FANCL: variants seen among roughly 807,000 people sequenced by gnomAD.
The protein encoded by FANCL is E3 ubiquitin-protein ligase FANCL.
In FANCL, 69 loss-of-function variants were observed where a neutral mutation model predicts 59.4. The ratio of observed to expected loss-of-function variants is 1.16; its 90% confidence interval spans 0.96 to 1.42. The LOEUF is 1.42. Among genes scored for constraint, FANCL ranks in the 40% most tolerant of loss-of-function variants. The pLI is 0.00. For synonymous variants in FANCL, 180 were observed against 147.1 expected (o/e 1.22, Z -1.62); for missense variants, 519 against 447.2 (o/e 1.16, Z -1.45).
chr2:58,191,276 A>G (rs1573643557), intron 7 of FANCL, among the ~76,000 whole-genome samples: 1 of 151,890 alleles, frequency 6.6e-6, no homozygotes, highest in Non-Finnish European at 1.5e-5. Context: ...ATTTTTATCC[A>G]AAAGTATTTT....
chr2:58,194,549 T>C (rs1230996538), intron 7 of FANCL, among the ~76,000 whole-genome samples: 1 of 152,158 alleles, frequency 6.6e-6, no homozygotes, highest in African/African-American at 2.4e-5. Flanking sequence ...CACTTGTCTT[T>C]GAGAAGCACT....
chr2:58,236,161 C>T (rs566948289), intron 1 of FANCL, among the ~76,000 whole-genome samples: 7 of 150,928 alleles, frequency 4.6e-5, no homozygotes, highest in South Asian at 2.1e-4. Context: ...GGAGGAAAAA[C>T]ATGAAAAAAG....
intron 5 of FANCL, among the ~76,000 whole-genome samples, chr2:58,205,288 T>C (rs1050137794): frequency 1.3e-5 from 2 of 152,100 alleles, no homozygotes; most frequent in African/African-American, 4.8e-5. Flanking sequence ...TGTCTAAATC[T>C]GAAGATATCT....
intron 1 of FANCL, among the ~76,000 whole-genome samples, chr2:58,235,190 G>A (rs1323800946): frequency 1.3e-5 from 2 of 151,938 alleles, no homozygotes; most frequent in East Asian, 1.9e-4. Flanking sequence ...AATATACACA[G>A]AGAAACGCCA....
At chr2:58,175,596 A>G (rs1687212043) in intron 7 of FANCL, among the ~76,000 whole-genome samples, 3 of 152,126 alleles carry the variant, frequency 2.0e-5, no homozygotes, top group Admixed American at 1.3e-4. Flanking sequence ...GCTTCATGCT[A>G]AAAACTCTCA....
chr2:58,202,045 C>T (rs550794247), intron 6 of FANCL, among the ~76,000 whole-genome samples: 77 of 151,596 alleles, frequency 5.1e-4, no homozygotes, highest in African/African-American at 1.8e-3. Flanking sequence ...ATACAGTTAA[C>T]GTTTCAACTA....
chr2:58,196,506 T>C (rs527886890), intron 7 of FANCL, among the ~76,000 whole-genome samples: 2 of 151,978 alleles, frequency 1.3e-5, no homozygotes, highest in African/African-American at 2.4e-5. Flanking sequence ...ACAAAACTTG[T>C]ATGACCCAAT....
chr2:58,175,176 T>G (rs1317289494), intron 7 of FANCL, among the ~76,000 whole-genome samples: 2 of 147,074 alleles, frequency 1.4e-5, no homozygotes, highest in African/African-American at 5.2e-5. Context: ...CAGGACCAGA[T>G]GGATTCACAG....
chr2:58,203,007 G>C lies in FANCL; in HGVS notation c.471+1123C>G, dbSNP rs1268530919. ...CTGGCAACATGTGACCCTTTGGAAG[G>C]ATAAAGGCAAATTTCTCTTAAAAAA... On this transcript the variant is annotated intron_variant, in intron 6 of 13. Transcript: ENST00000233741. Among the ~76,000 whole-genome samples the C allele has an allele frequency of 3.4e-5, 5 of 145,396 alleles. No homozygotes were observed. The East Asian group carries it at 9.9e-4, about 29-fold the overall frequency.
In FANCL at chr2:58,165,700, A is replaced by T. The variant is rs1051917777; in HGVS notation, c.691+24T>A. ...TACAAAATAAAACACCTAAAAACAA[A>T]CCCTTAATCCTCCTTGTCCCTACCT... On this transcript the variant is annotated intron_variant, in intron 8 of 13. Transcript: ENST00000233741. 5.0e-6 allele frequency: 8 copies of T among 1,613,786 alleles called. No homozygotes were observed. The African/African-American group carries it at 1.1e-4, about 22-fold the overall frequency.
intron 7 of FANCL, among the ~76,000 whole-genome samples, chr2:58,183,729 A>G (rs1229231702): frequency 1.3e-5 from 2 of 151,984 alleles, no homozygotes; most frequent in East Asian, 1.9e-4. Context: ...AGAAATAAAA[A>G]TAAGTGATCT....
intron 7 of FANCL, among the ~76,000 whole-genome samples, chr2:58,194,916 T>G (rs1018177746): frequency 7.6e-6 from 1 of 132,176 alleles, no homozygotes; most frequent in African/African-American, 3.6e-5. Flanking sequence ...AAGCCATGTC[T>G]ATTATATCAC....
intron 7 of FANCL, among the ~76,000 whole-genome samples, chr2:58,172,131 A>G (rs1041065507): frequency 6.6e-6 from 1 of 152,252 alleles, no homozygotes; most frequent in Non-Finnish European, 1.5e-5. Flanking sequence ...CACAGCTCAA[A>G]GAGGCCTGCC....
At chr2:58,234,927 G>A (rs1409877664) in intron 1 of FANCL, among the ~76,000 whole-genome samples, 2 of 151,964 alleles carry the variant, frequency 1.3e-5, no homozygotes, top group Non-Finnish European at 2.9e-5. Flanking sequence ...ATGAAACAAT[G>A]ATTTTCAGAC....
At chr2:58,225,235 A>G (rs546230709) in intron 4 of FANCL, among the ~76,000 whole-genome samples, 1 of 151,778 alleles carries the variant, frequency 6.6e-6, no homozygotes, top group Admixed American at 6.5e-5. Flanking sequence ...CTTTAAAAAA[A>G]AAAACACTTT....
chr2:58,187,793 T>C (rs1688554988), intron 7 of FANCL, among the ~76,000 whole-genome samples: 1 of 152,152 alleles, frequency 6.6e-6, no homozygotes, highest in Non-Finnish European at 1.5e-5. Flanking sequence ...ACAACGTCCA[T>C]TTTGAGTTTT....
In FANCL at chr2:58,165,827, T is replaced by A. The variant is rs1205526780; in HGVS notation, c.588A>T (p.Ser196=). Reference sequence around the variant, plus strand: ...CCATAACATCCCAGAATGCCTTTAGTGATTCTATTGCTGCCAAAAACTGAC... The same window carrying A: ...CCATAACATCCCAGAATGCCTTTAGAGATTCTATTGCTGCCAAAAACTGAC... ...IYSQFLAAIE[S]LKAFWDVMDE... The change falls in exon 8 of 14, where the codon TCA becomes TCT. Residue 196 remains serine, a synonymous_variant. Coordinates refer to ENST00000233741, the MANE Select transcript of FANCL (RefSeq NM_018062.4). The A allele has an allele frequency of 1.2e-6, 2 of 1,613,974 alleles. No homozygotes were observed. Among genetic ancestry groups the A allele is most frequent in the Non-Finnish European group, 1.7e-6 (2 of 1,179,968 alleles).
intron 4 of FANCL, among the ~76,000 whole-genome samples, chr2:58,222,359 T>C (rs754498146): frequency 1.3e-5 from 2 of 152,088 alleles, no homozygotes; most frequent in African/African-American, 2.4e-5. Context: ...GGCTTCACTA[T>C]GGCTCTATTC....
intron 5 of FANCL, among the ~76,000 whole-genome samples, chr2:58,207,197 C>A (rs1378149191): frequency 6.6e-6 from 1 of 152,118 alleles, no homozygotes; most frequent in Non-Finnish European, 1.5e-5. Flanking sequence ...ACTCTCCTTT[C>A]CTGTAGACTA....
Sources: gnomAD v4.1 joint callset for allele counts (sites outside exome capture counted in the v4.1 genomes callset) on GRCh38, gnomAD v4.1.1 for gene constraint, MANE v1.5 for transcripts, NCBI Gene and HGNC (gene_info 2026-07-23, HGNC 2026-07-21) for gene names.